RBFOX1: variants seen among roughly 807,000 people sequenced by gnomAD.
RBFOX1 encodes the protein RNA binding fox-1 homolog 1.
Under a neutral mutation model 57.7 loss-of-function variants are expected in RBFOX1, and 8 were observed. The ratio of observed to expected loss-of-function variants is 0.14; its 90% confidence interval spans 0.08 to 0.25. RBFOX1 has a LOEUF of 0.25. Ranked by LOEUF, RBFOX1 falls within the 10% of genes least tolerant of loss-of-function variation. The probability of loss-of-function intolerance (pLI) is 1.00; values close to 1 mark genes in which losing one functional copy is unlikely to be tolerated. For missense variants in RBFOX1, 611 were observed against 548.5 expected, an observed-to-expected ratio of 1.11 and a Z score of -1.14; for synonymous variants, 326 against 222.4, an observed-to-expected ratio of 1.47 and a Z score of -4.15.
intron 1 of RBFOX1, among the ~76,000 whole-genome samples, chr16:6,179,245 C>G (rs2097042013): frequency 6.6e-6 from 1 of 152,146 alleles, no homozygotes; most frequent in Middle Eastern, 3.2e-3. Flanking sequence ...CCGAGGGTCC[C>G]AGGCTCTGTG....
chr16:7,218,793 G>A lies in RBFOX1; in HGVS notation c.27+166695G>A, dbSNP rs563515148. Among the ~76,000 whole-genome samples, 8 of 151,558 alleles carry A rather than the reference G, an allele frequency of 5.3e-5. No individual in the cohort carries two copies. The South Asian group carries it at 1.7e-3, about 32-fold the overall frequency. ...TTTTATTTTTTCTCTTCTACTGCAC[G>A]ATGCAATCAGGAACCTGTCTAGAAG... On this transcript the variant is annotated intron_variant, in intron 4 of 15. Transcript: ENST00000550418.
chr16:5,903,102 G>A (rs1383872239), intron 4 of RBFOX1, among the ~76,000 whole-genome samples: 1 of 151,658 alleles, frequency 6.6e-6, no homozygotes, highest in Non-Finnish European at 1.5e-5. Context: ...GTGTGTGGGT[G>A]TGTGTGTGTG....
intron 3 of RBFOX1, among the ~76,000 whole-genome samples, chr16:6,913,610 G>A (rs1023827418): frequency 6.6e-6 from 1 of 152,162 alleles, no homozygotes; most frequent in Admixed American, 6.5e-5. Flanking sequence ...TTTTCCCAGA[G>A]CAACTCAAGC....
intron 2 of RBFOX1, among the ~76,000 whole-genome samples, chr16:6,361,859 G>A (rs1201634099): frequency 6.6e-6 from 1 of 152,008 alleles, no homozygotes. Context: ...AGGAATACAG[G>A]ATCAAAAGAA....
chr16:6,742,635 G>T (rs2072536130), intron 3 of RBFOX1, among the ~76,000 whole-genome samples: 1 of 152,144 alleles, frequency 6.6e-6, no homozygotes, highest in South Asian at 2.1e-4. Context: ...CCCGTACTGT[G>T]AACTACTATT....
chr16:6,383,533 G>A (rs1204910018), intron 2 of RBFOX1, among the ~76,000 whole-genome samples: 3 of 152,292 alleles, frequency 2.0e-5, no homozygotes, highest in East Asian at 3.9e-4. Context: ...CCAGTATTTT[G>A]GGAGGCTGAG....
chr16:6,430,194 C>T (rs188770236), intron 2 of RBFOX1, among the ~76,000 whole-genome samples: 12 of 152,082 alleles, frequency 7.9e-5, no homozygotes, highest in African/African-American at 2.4e-4. Context: ...TCTTTATTAG[C>T]GGCATGAGAA....
chr16:6,515,589 AGCC>A, intron 2 of RBFOX1, among the ~76,000 whole-genome samples: 1 of 152,208 alleles, frequency 6.6e-6, no homozygotes, highest in African/African-American at 2.4e-5. Context: ...TTTCTAAAGA[AGCC>A]TTTTTATGGA....
intron 4 of RBFOX1, among the ~76,000 whole-genome samples, chr16:7,188,345 G>A (rs2084438026): frequency 6.6e-6 from 1 of 152,158 alleles, no homozygotes; most frequent in Admixed American, 6.5e-5. Context: ...TCTAAGTCCT[G>A]CATTAGAATG....
chr16:7,370,582 T>C (rs916237697), intron 4 of RBFOX1, among the ~76,000 whole-genome samples: 2 of 152,238 alleles, frequency 1.3e-5, no homozygotes, highest in Admixed American at 1.3e-4. Flanking sequence ...TCAGATGTGC[T>C]GCCTTGCAGA....
At chr16:5,798,326 A>G (rs1351711979) in intron 3 of RBFOX1, among the ~76,000 whole-genome samples, 2 of 152,224 alleles carry the variant, frequency 1.3e-5, no homozygotes, top group Non-Finnish European at 2.9e-5. Flanking sequence ...TCTTCCAAGC[A>G]GTGTCGATTT....
intron 4 of RBFOX1, among the ~76,000 whole-genome samples, chr16:5,996,844 C>T (rs1596369029): frequency 2.0e-5 from 3 of 152,296 alleles, no homozygotes; most frequent in African/African-American, 7.2e-5. Context: ...CTCCAGGAAG[C>T]CAGAGGAAAA....
chr16:5,669,271 G>C (rs539028155), intron 3 of RBFOX1, among the ~76,000 whole-genome samples: 2 of 152,056 alleles, frequency 1.3e-5, no homozygotes, highest in Non-Finnish European at 2.9e-5. Context: ...GCCACCCTCA[G>C]CTCCAAACTC....
intron 3 of RBFOX1, among the ~76,000 whole-genome samples, chr16:6,812,426 T>C (rs1023386440): frequency 2.6e-5 from 4 of 152,140 alleles, no homozygotes; most frequent in Admixed American, 6.5e-5. Context: ...CAGGCTGGAG[T>C]GCAGTGGCCC....
intron 1 of RBFOX1, among the ~76,000 whole-genome samples, chr16:5,398,511 G>C (rs541889460): frequency 6.6e-6 from 1 of 151,910 alleles, no homozygotes; most frequent in Admixed American, 6.6e-5. Flanking sequence ...CATGTGAGCA[G>C]GTGTGCATGC....
rs374747554 is a variant in RBFOX1 at position 6,001,952 on chromosome 16, T to C, written c.351+134617T>C. 4.7e-5 allele frequency among the ~76,000 whole-genome samples: 7 copies of C among 150,146 alleles called. No homozygotes were observed. In the East Asian group the frequency reaches 1.2e-3, roughly 26 times the overall value. On this transcript the variant is annotated intron_variant, in intron 4 of 19. Transcript: ENST00000641259. ...AAATTTTCCCTTCAAACATGAATAATCTATAGCTCTTAAACCTTTTTTTTT... is the reference window on the plus strand; with the variant it reads ...AAATTTTCCCTTCAAACATGAATAACCTATAGCTCTTAAACCTTTTTTTTT...
At chr16:7,202,337 A>T (rs958805508) in intron 4 of RBFOX1, among the ~76,000 whole-genome samples, 3 of 151,566 alleles carry the variant, frequency 2.0e-5, no homozygotes, top group Non-Finnish European at 4.4e-5. Context: ...ACACGTGTTG[A>T]TAAGGATGTG....
intron 4 of RBFOX1, among the ~76,000 whole-genome samples, chr16:5,895,334 C>T (rs2058139521): frequency 6.6e-6 from 1 of 152,216 alleles, no homozygotes; most frequent in South Asian, 2.1e-4. Flanking sequence ...GGATGACTCA[C>T]ATGCCCATTA....
intron 4 of RBFOX1, among the ~76,000 whole-genome samples, chr16:7,179,854 C>T (rs551860246): frequency 6.6e-6 from 1 of 152,134 alleles, no homozygotes; most frequent in South Asian, 2.1e-4. Flanking sequence ...CCTGCCTCAG[C>T]CTCCTGAATA....
Sources: gnomAD v4.1 joint callset for allele counts (sites outside exome capture counted in the v4.1 genomes callset) on GRCh38, gnomAD v4.1.1 for gene constraint, MANE v1.5 for transcripts, NCBI Gene and HGNC (gene_info 2026-07-23, HGNC 2026-07-21) for gene names.